TEX14: variants seen among roughly 807,000 people sequenced by gnomAD.
TEX14 encodes the protein inactive serine/threonine-protein kinase TEX14.
In TEX14, 168 loss-of-function variants were observed where a neutral mutation model predicts 178.6. That is an observed-to-expected ratio of 0.94 (90% CI 0.83 to 1.07). The LOEUF (loss-of-function observed/expected upper bound fraction) is 1.07. Ranked by LOEUF, TEX14 falls within the 50% of genes least tolerant of loss-of-function variation. The pLI, the probability that TEX14 is intolerant of heterozygous loss-of-function variation, is 0.00. For missense variants in TEX14, 1,730 were observed against 1,753.6 expected, an observed-to-expected ratio of 0.99 and a Z score of 0.24; for synonymous variants, 626 against 634.1, an observed-to-expected ratio of 0.99 and a Z score of 0.19.
At chr17:58,632,469 G>A (rs2144586388) in intron 2 of TEX14, among the ~76,000 whole-genome samples, 1 of 152,296 alleles carries the variant, frequency 6.6e-6, no homozygotes, top group Middle Eastern at 3.4e-3. Flanking sequence ...TGGGATTACA[G>A]GCGTGAGCCG....
chr17:58,586,340 AAAC>A (rs75922942), intron 17 of TEX14, among the ~76,000 whole-genome samples: 24,408 of 152,056 alleles, frequency 0.16, 2,362 homozygotes, highest in Non-Finnish European at 0.21. Flanking sequence ...GAAAGGCAGC[AAAC>A]AACTTACAGA....
intron 5 of TEX14, among the ~76,000 whole-genome samples, chr17:58,618,411 C>A (rs1000825557): frequency 6.6e-6 from 1 of 152,226 alleles, no homozygotes; most frequent in Non-Finnish European, 1.5e-5. Flanking sequence ...CTCATTCCAG[C>A]CACTGTTCTT....
chr17:58,611,363 AC>A, intron 9 of TEX14, 24 bp from the exon 10 acceptor site: 1 of 1,586,652 alleles, frequency 6.3e-7, no homozygotes, highest in Non-Finnish European at 8.6e-7. Context: ...ATGAAATGCC[AC>A]GAAAAAAAAA....
intron 8 of TEX14, 89 bp from the exon 9 acceptor site, chr17:58,613,633 A>C: frequency 7.4e-7 from 1 of 1,347,652 alleles, no homozygotes; most frequent in Admixed American, 2.1e-5. Flanking sequence ...CATTCTAAAC[A>C]AATACCATTT....
At chr17:58,577,502 G>A (rs1166172590) in intron 20 of TEX14, 46 bp from the exon 21 acceptor site, 10 of 703,298 alleles carry the variant, frequency 1.4e-5, no homozygotes, top group African/African-American at 1.9e-5. Flanking sequence ...TTTTTTTACT[G>A]AATCTTTGTC....
At chr17:58,568,565 C>A (rs143205372) in intron 26 of TEX14, among the ~76,000 whole-genome samples, 1 of 152,270 alleles carries the variant, frequency 6.6e-6, no homozygotes, top group East Asian at 1.9e-4. Context: ...GCAGTCAAGT[C>A]TTTCCTAGGA....
intron 5 of TEX14, among the ~76,000 whole-genome samples, chr17:58,619,796 C>CAAAA (rs71367606): frequency 4.1e-5 from 3 of 73,810 alleles, no homozygotes; most frequent in African/African-American, 1.7e-4. Flanking sequence ...GACTCAGTCT[C>CAAAA]AAAAAAAAAA....
intron 26 of TEX14, among the ~76,000 whole-genome samples, chr17:58,566,108 A>G (rs1004204540): frequency 2.6e-5 from 4 of 152,334 alleles, no homozygotes; most frequent in Non-Finnish European, 4.4e-5. Flanking sequence ...GGAATTCTTT[A>G]GGTATGACAA....
At chr17:58,687,720 C>T (rs1442338107) in intron 1 of TEX14, among the ~76,000 whole-genome samples, 2 of 152,100 alleles carry the variant, frequency 1.3e-5, no homozygotes, top group Non-Finnish European at 2.9e-5. Flanking sequence ...CATATTATTC[C>T]TCTCCTATGT....
intron 2 of TEX14, among the ~76,000 whole-genome samples, 198 bp downstream of exon 2, chr17:58,651,663 CACAAA>C (rs572698362): frequency 5.9e-5 from 9 of 152,158 alleles, no homozygotes; most frequent in Admixed American, 2.0e-4. Flanking sequence ...GGTTCCCCAA[CACAAA>C]ACAAAACAAA....
chr17:58,624,344 T>TTC (rs1555574139), intron 3 of TEX14, among the ~76,000 whole-genome samples: 1 of 148,622 alleles, frequency 6.7e-6, no homozygotes, highest in Non-Finnish European at 1.5e-5. Context: ...TTCTTTTCTT[T>TTC]TTTTTTTTTT....
intron 1 of TEX14, among the ~76,000 whole-genome samples, chr17:58,668,858 G>A (rs527989254): frequency 1.3e-5 from 2 of 152,094 alleles, no homozygotes; most frequent in Non-Finnish European, 2.9e-5. Flanking sequence ...GGACTGGGGG[G>A]TCAATATATT....
intron 2 of TEX14, among the ~76,000 whole-genome samples, chr17:58,641,428 AG>A (rs2046572831): frequency 6.6e-6 from 1 of 151,904 alleles, no homozygotes; most frequent in South Asian, 2.1e-4. Flanking sequence ...ACAAAAAAAA[AG>A]TAGCCAACCA....
intron 2 of TEX14, among the ~76,000 whole-genome samples, chr17:58,635,318 C>A (rs1468599894): frequency 1.3e-5 from 2 of 151,816 alleles, no homozygotes; most frequent in Non-Finnish European, 2.9e-5. Flanking sequence ...GGGAAGCAGG[C>A]TGACAAGAAA....
intron 1 of TEX14, among the ~76,000 whole-genome samples, chr17:58,670,800 A>AAG (rs2047293340): frequency 7.1e-6 from 1 of 140,176 alleles, no homozygotes; most frequent in African/African-American, 2.7e-5. Context: ...AAAAAAAAAA[A>AAG]GTGACTATAC....
chr17:58,630,439 C>G lies in TEX14; in HGVS notation c.251+1G>C. 1 of 1,598,432 alleles carries G rather than the reference C, an allele frequency of 6.3e-7. No homozygotes were observed. The highest frequency in any genetic ancestry group is 8.6e-7 in the Non-Finnish European group (1 of 1,165,770). On this transcript the variant is annotated splice_donor_variant, in intron 3 of 31. Transcript: ENST00000349033. LOFTEE classifies it high-confidence loss of function. ...CTAGACATCAATATTATTGTACTTACTGATTTGGATCTGATCCATAATCCA... is the reference window on the plus strand; with the variant it reads ...CTAGACATCAATATTATTGTACTTAGTGATTTGGATCTGATCCATAATCCA...
Position 58,572,084 on chromosome 17 carries a change from T to C in TEX14, c.3554A>G (p.Glu1185Gly). The C allele has an allele frequency of 6.2e-7, 1 of 1,614,156 alleles. No homozygotes were observed. The highest frequency in any genetic ancestry group is 8.5e-7 in the Non-Finnish European group (1 of 1,180,024). The change falls in exon 24 of 32, where the codon GAA becomes GGA. Residue 1185 changes from glutamate to glycine, a missense_variant. Around this residue, in one of 2 missense-constraint regions of TEX14, gnomAD observed 941 missense variants for 1,072.4 expected, o/e 0.88. Coordinates refer to ENST00000349033, the MANE Select transcript of TEX14 (RefSeq NM_031272.5). The part of the protein sequence containing the change: ...SAASQYKDCL[E>G]SITFQVKTEF... ...TGTCTTAACCTGAAATGTGATACTTTCAAGGCAGTCTTTATACTGACTGGC... is the reference window on the plus strand; with the variant it reads ...TGTCTTAACCTGAAATGTGATACTTCCAAGGCAGTCTTTATACTGACTGGC...
Position 58,668,111 on chromosome 17 carries a change from G to GTTAGATA in TEX14, c.-1-16110_-1-16109insTATCTAA, listed in dbSNP as rs2047243941. On this transcript the variant is annotated intron_variant, in intron 1 of 31. Coordinates refer to ENST00000349033, the MANE Select transcript of TEX14 (RefSeq NM_031272.5). The stretch of plus-strand genomic sequence containing the variant: ...AGGTGATATCTGATCACCCCAGCCT[G>GTTAGATA]TCTTCAGCAAGAATCCTGTTAGATC... Among the ~76,000 whole-genome samples, 3 of 152,080 alleles carry GTTAGATA rather than the reference G, an allele frequency of 2.0e-5. No homozygotes were observed. In the South Asian group the frequency reaches 6.2e-4, roughly 31 times the overall value.
chr17:58,574,117 A>G (rs2044612950), intron 22 of TEX14, 70 bp downstream of exon 22: 2 of 1,234,724 alleles, frequency 1.6e-6, no homozygotes, highest in Admixed American at 1.7e-5. Context: ...CTTACAAACA[A>G]GAATATACTA....
Sources: allele counts gnomAD v4.1 joint callset (sites outside exome capture counted in the v4.1 genomes callset), GRCh38; gene constraint gnomAD v4.1.1; regional missense constraint gnomAD v4.1.1; transcripts MANE v1.5; gene names NCBI Gene and HGNC (gene_info 2026-07-23, HGNC 2026-07-21).